GRM8: variants seen among roughly 807,000 people sequenced by gnomAD.
GRM8 encodes glutamate metabotropic receptor 8, also known as metabotropic glutamate receptor 8.
A neutral mutation model predicts 87.2 loss-of-function variants in GRM8; 47 were observed. That is an observed-to-expected ratio of 0.54 (90% CI 0.43 to 0.69). GRM8 has a LOEUF of 0.69. Ranked by LOEUF, GRM8 falls within the 30% of genes least tolerant of loss-of-function variation. The probability of loss-of-function intolerance (pLI) is 0.00; values close to 1 mark genes in which losing one functional copy is unlikely to be tolerated. For missense variants in GRM8, 1,019 were observed against 1,139.2 expected (o/e 0.89, Z 1.52); for synonymous variants, 396 against 404.5 (o/e 0.98, Z 0.25).
intron 9 of GRM8, among the ~76,000 whole-genome samples, chr7:126,525,869 C>G (rs1415922488): frequency 1.3e-5 from 2 of 152,098 alleles, no homozygotes; most frequent in African/African-American, 4.8e-5. Flanking sequence ...TATCTTGAAC[C>G]AGAAACCAGA....
chr7:126,853,936 C>T (rs561916061), intron 6 of GRM8, among the ~76,000 whole-genome samples: 1 of 152,288 alleles, frequency 6.6e-6, no homozygotes, highest in Non-Finnish European at 1.5e-5. Context: ...GGTACCCATG[C>T]TTGCCCATCA....
rs185861719 is a variant in GRM8 at position 126,469,047 on chromosome 7, T to G, written c.2431-22675A>C. ...ACTCCTTTAATCTTTGTTTCAGCAT[T>G]TATTGTTGTTAGTATATAAGACCAA... is the stretch of plus-strand genomic sequence containing the variant. On this transcript the variant is annotated intron_variant, in intron 9 of 10. Coordinates refer to ENST00000339582, the MANE Select transcript of GRM8 (RefSeq NM_000845.3). Among the ~76,000 whole-genome samples the G allele has an allele frequency of 2.5e-3, 374 of 152,244 alleles. 2 individuals are homozygous for G. Among genetic ancestry groups the G allele is most frequent in the African/African-American group, 8.6e-3 (357 of 41,564 alleles).
At chr7:126,693,778 T>C (rs141250736) in intron 7 of GRM8, among the ~76,000 whole-genome samples, 38 of 152,258 alleles carry the variant, frequency 2.5e-4, no homozygotes, top group African/African-American at 7.2e-4. Flanking sequence ...TATAAAATAG[T>C]AGTCTGATCT....
chr7:126,799,109 T>C (rs1822339642), intron 6 of GRM8, among the ~76,000 whole-genome samples: 1 of 152,060 alleles, frequency 6.6e-6, no homozygotes, highest in Non-Finnish European at 1.5e-5. Flanking sequence ...CTCTCATCTC[T>C]TGCTGCCCGA....
intron 6 of GRM8, among the ~76,000 whole-genome samples, chr7:126,842,476 C>G (rs1480008236): frequency 6.6e-6 from 1 of 152,176 alleles, no homozygotes. Flanking sequence ...CAGACTAATG[C>G]CTGCCACCAA....
At chr7:126,959,380 A>T (rs1400910149) in intron 3 of GRM8, among the ~76,000 whole-genome samples, 1 of 152,216 alleles carries the variant, frequency 6.6e-6, no homozygotes, top group Non-Finnish European at 1.5e-5. Context: ...TTTAGAAGCA[A>T]AATTTGGCAG....
At chr7:126,779,636 C>A (rs1819858453) in intron 6 of GRM8, among the ~76,000 whole-genome samples, 2 of 152,092 alleles carry the variant, frequency 1.3e-5, no homozygotes, top group South Asian at 4.1e-4. Context: ...CTTTAGGAAT[C>A]CTTAATAAAG....
intron 2 of GRM8, among the ~76,000 whole-genome samples, chr7:127,199,199 G>A (rs908905383): frequency 6.6e-6 from 1 of 151,844 alleles, no homozygotes; most frequent in Non-Finnish European, 1.5e-5. Context: ...GACCTCAAGT[G>A]ATCCTCCTGC....
chr7:126,637,559 A>G (rs1585315465), intron 7 of GRM8, among the ~76,000 whole-genome samples: 1 of 152,336 alleles, frequency 6.6e-6, no homozygotes, highest in Non-Finnish European at 1.5e-5. Context: ...AAAATGGCTT[A>G]GACATCGTTG....
chr7:126,881,365 C>G (rs558598491), intron 6 of GRM8, among the ~76,000 whole-genome samples: 1 of 152,280 alleles, frequency 6.6e-6, no homozygotes, highest in Non-Finnish European at 1.5e-5. Flanking sequence ...GGAGTTATAT[C>G]CTGAAAGGAC....
At position 126,657,043 on chromosome 7, in the gene GRM8, A is replaced by C. The variant is rs992692598; in HGVS notation, c.1358-47545T>G. ...GCAATTTATATTTACTGAGTGCTAC[A>C]ATGGTTTCTATTATTTATTCTTCAA... On this transcript the variant is annotated intron_variant, in intron 7 of 10. Transcript: ENST00000339582. Among the ~76,000 whole-genome samples the C allele has an allele frequency of 2.6e-5, 4 of 152,334 alleles. 1 individual carries two copies. In the South Asian group the frequency reaches 8.3e-4, roughly 32 times the overall value.
At chr7:127,220,361 C>G (rs1013919164) in intron 2 of GRM8, among the ~76,000 whole-genome samples, 5 of 151,942 alleles carry the variant, frequency 3.3e-5, no homozygotes, top group Admixed American at 6.6e-5. Context: ...AATAACATTA[C>G]CAAATTACAA....
chr7:127,109,574 A>G (rs571218124), intron 2 of GRM8, among the ~76,000 whole-genome samples: 2 of 152,220 alleles, frequency 1.3e-5, no homozygotes, highest in South Asian at 4.1e-4. Flanking sequence ...AGTCACCTCC[A>G]TCTGGGGACA....
chr7:127,069,370 G>A (rs1821455883), intron 3 of GRM8, among the ~76,000 whole-genome samples: 1 of 152,086 alleles, frequency 6.6e-6, no homozygotes. Context: ...TGCCATGTTG[G>A]CCAGGCTGGT....
intron 7 of GRM8, among the ~76,000 whole-genome samples, chr7:126,616,692 A>G (rs1228857042): frequency 6.6e-6 from 1 of 152,204 alleles, no homozygotes; most frequent in Admixed American, 6.5e-5. Flanking sequence ...GATAAAGGGG[A>G]TATCACCACC....
At chr7:126,731,261 C>T (rs1382608421) in intron 7 of GRM8, among the ~76,000 whole-genome samples, 1 of 152,072 alleles carries the variant, frequency 6.6e-6, no homozygotes, top group Non-Finnish European at 1.5e-5. Flanking sequence ...CTCAGGAGGA[C>T]GTGAGAGAAC....
intron 8 of GRM8, among the ~76,000 whole-genome samples, chr7:126,606,804 T>A (rs1373966326): frequency 6.6e-6 from 1 of 152,214 alleles, no homozygotes; most frequent in African/African-American, 2.4e-5. Context: ...GTCATAAACA[T>A]AAAACTTTCA....
chr7:126,852,985 A>T (rs1376955463), intron 6 of GRM8, among the ~76,000 whole-genome samples: 2 of 152,220 alleles, frequency 1.3e-5, no homozygotes, highest in East Asian at 3.8e-4. Context: ...TTAGAAGTAA[A>T]CAGTAACTTT....
chr7:126,543,170 A>C (rs1342628462), intron 8 of GRM8, among the ~76,000 whole-genome samples: 1 of 152,088 alleles, frequency 6.6e-6, no homozygotes, highest in Non-Finnish European at 1.5e-5. Context: ...TCTTCCATGG[A>C]CTTTTACAGT....
Sources: allele counts gnomAD v4.1 joint callset (sites outside exome capture counted in the v4.1 genomes callset), GRCh38; gene constraint gnomAD v4.1.1; transcripts MANE v1.5; gene names NCBI Gene and HGNC (gene_info 2026-07-23, HGNC 2026-07-21).